The following EFHB variants were observed in gnomAD, a reference collection of about 807,000 sequenced individuals.
EFHB encodes the protein EF-hand domain family member B.
In EFHB, 91 loss-of-function variants were observed where a neutral mutation model predicts 87.2. That is an observed-to-expected ratio of 1.04 (90% CI 0.88 to 1.24). The LOEUF (loss-of-function observed/expected upper bound fraction) is 1.24. Among genes scored for constraint, EFHB ranks in the 50% most tolerant of loss-of-function variants. The pLI is 0.00. For synonymous variants in EFHB, 325 were observed against 333.6 expected, an observed-to-expected ratio of 0.97 and a Z score of 0.28; for missense variants, 1,084 against 998.8, an observed-to-expected ratio of 1.09 and a Z score of -1.15.
At chr3:19,929,464 G>A (rs545671830) in intron 1 of EFHB, among the ~76,000 whole-genome samples, 212 of 152,062 alleles carry the variant, frequency 1.4e-3, no homozygotes, top group Non-Finnish European at 2.3e-3. Context: ...CCTGCACTTT[G>A]GGAGGCTGAG....
intron 12 of EFHB, 92 bp from the exon 13 acceptor site, chr3:19,879,896 T>G: frequency 1.5e-6 from 2 of 1,324,608 alleles, no homozygotes; most frequent in Non-Finnish European, 2.0e-6. Context: ...TATGGATATT[T>G]TTCCAAAAAA....
rs1460646689 is a variant in EFHB at position 19,908,590 on chromosome 3, GAGAGAGAGAGAA to G, written c.1289-2853_1289-2842del. ...AGAGAGAGAGAGAGAGAGAGAGAGA[GAGAGAGAGAGAA>G]AGAAAGAAAGAAAGAAAGAAAGAAA... On this transcript the variant is annotated intron_variant, in intron 5 of 12. Coordinates refer to ENST00000295824, the MANE Select transcript of EFHB (RefSeq NM_144715.4). Among the ~76,000 whole-genome samples, 728 of 111,004 alleles carry G rather than the reference GAGAGAGAGAGAA, an allele frequency of 6.6e-3. 5 individuals carry two copies. The highest frequency in any genetic ancestry group is 7.0e-3 in the Non-Finnish European group (408 of 58,298). 72.8% of individuals were successfully genotyped at this position (111,004 alleles called of 152,430 possible). A position where few individuals can be genotyped will look rare whatever the true frequency, so the allele number is the denominator to read the frequency against.
intron 4 of EFHB, among the ~76,000 whole-genome samples, chr3:19,915,857 C>T (rs1695212471): frequency 6.6e-6 from 1 of 151,866 alleles, no homozygotes; most frequent in Admixed American, 6.6e-5. Context: ...CCTGTGGTCC[C>T]AGCTACTTTA....
intron 10 of EFHB, among the ~76,000 whole-genome samples, chr3:19,888,140 C>T (rs530858404): frequency 6.6e-6 from 1 of 151,952 alleles, no homozygotes; most frequent in Non-Finnish European, 1.5e-5. Context: ...AAATAAAAAC[C>T]ATGTATAAAT....
At chr3:19,917,155 G>C (rs1054515191) in intron 4 of EFHB, among the ~76,000 whole-genome samples, 1 of 151,588 alleles carries the variant, frequency 6.6e-6, no homozygotes, top group Non-Finnish European at 1.5e-5. Context: ...AGAATCATTT[G>C]AGTCCAGGAG....
At chr3:19,908,351 G>A (rs142973178) in intron 5 of EFHB, among the ~76,000 whole-genome samples, 3 of 151,918 alleles carry the variant, frequency 2.0e-5, no homozygotes, top group African/African-American at 7.3e-5. Flanking sequence ...TGACCAACAC[G>A]GTGAAACCCA....
At chr3:19,943,756 G>A (rs1031777554) in intron 1 of EFHB, among the ~76,000 whole-genome samples, 1 of 152,110 alleles carries the variant, frequency 6.6e-6, no homozygotes, top group Non-Finnish European at 1.5e-5. Context: ...ATAAGGGAGT[G>A]TCCAAGAACC....
intron 11 of EFHB, among the ~76,000 whole-genome samples, chr3:19,883,289 C>G (rs1290461038): frequency 6.6e-6 from 1 of 152,174 alleles, no homozygotes; most frequent in African/African-American, 2.4e-5. Context: ...GCATGAGCCA[C>G]CATGCCCAGC....
chr3:19,946,940 A>C (rs536159647), exon 1 of EFHB: 1 of 152,600 alleles, frequency 6.6e-6, no homozygotes, highest in African/African-American at 2.4e-5. Flanking sequence ...GAAGGGGAGA[A>C]AGGCGGCCAG....
Position 19,884,492 on chromosome 3 carries a change from G to A in EFHB, c.2057C>T (p.Thr686Ile), listed in dbSNP as rs888002669. The part of the protein sequence containing the change: ...EAGSTEKTLR[T>I]LLRPSDKVSN... ...AACTTTATCACTTGGTCTCAGAAGT[G>A]TCCGGAGAGTCTTTTCTGTGCTTCC... is the stretch of plus-strand genomic sequence containing the variant. Residue 686 changes from threonine to isoleucine, a missense_variant, in exon 11 of 13, where the codon ACA (threonine) becomes ATA (isoleucine). By Grantham distance (89) the Thr-to-Ile change is moderately conservative. Transcript: ENST00000295824. 2 of 1,613,958 alleles carry A rather than the reference G, an allele frequency of 1.2e-6. No homozygotes were observed. The highest frequency in any genetic ancestry group is 1.7e-6 in the Non-Finnish European group (2 of 1,179,868).
chr3:19,904,874 A>AT (rs1694787720), intron 6 of EFHB, among the ~76,000 whole-genome samples: 1 of 152,116 alleles, frequency 6.6e-6, no homozygotes, highest in South Asian at 2.1e-4. Context: ...CAATCTTCTG[A>AT]TTTTTTTAAG....
At chr3:19,942,972 T>G in intron 1 of EFHB, 1 of 243,304 alleles carries the variant, frequency 4.1e-6, no homozygotes, top group Non-Finnish European at 8.1e-6. Context: ...TGGACAGAAG[T>G]TTTTTTTATC....
intron 1 of EFHB, among the ~76,000 whole-genome samples, chr3:19,922,257 G>C (rs1298112764): frequency 6.6e-6 from 1 of 152,218 alleles, no homozygotes; most frequent in Admixed American, 6.5e-5. Flanking sequence ...GCTGAAGGCA[G>C]TTAAGAATCA....
intron 10 of EFHB, 88 bp downstream of exon 10, chr3:19,888,356 G>A: frequency 1.4e-6 from 1 of 723,210 alleles, no homozygotes; most frequent in Non-Finnish European, 1.8e-6. Flanking sequence ...GGGCAACATA[G>A]TGAGACCTCG....
intron 1 of EFHB, among the ~76,000 whole-genome samples, chr3:19,939,593 C>A (rs1696109058): frequency 6.6e-6 from 1 of 151,836 alleles, no homozygotes; most frequent in African/African-American, 2.4e-5. Context: ...ACCGTGTTAG[C>A]CAGGATGGTC....
chr3:19,908,570 G>A (rs9817197), intron 5 of EFHB, among the ~76,000 whole-genome samples: 2,408 of 65,866 alleles, frequency 0.037, 33 homozygotes, highest in Non-Finnish European at 0.047. Flanking sequence ...GAAAGAGAGA[G>A]AGAGAGAGAG....
intron 5 of EFHB, among the ~76,000 whole-genome samples, chr3:19,908,598 G>GAGAGAGAGAGAGAGAGAGAGAGAAAGAA (rs1694937855): frequency 1.3e-5 from 1 of 77,796 alleles, no homozygotes; most frequent in African/African-American, 5.0e-5. Flanking sequence ...GAGAGAGAGA[G>GAGAGAGAGAGAGAGAGAGAGAGAAAGAA]AGAAAGAAAG....
chr3:19,903,547 C>T (rs1269037608), intron 6 of EFHB, among the ~76,000 whole-genome samples: 1 of 151,928 alleles, frequency 6.6e-6, no homozygotes, highest in Non-Finnish European at 1.5e-5. Flanking sequence ...ATACTTTACA[C>T]ATAGTTTAAC....
intron 9 of EFHB, among the ~76,000 whole-genome samples, chr3:19,892,061 T>C (rs1474906034): frequency 2.6e-5 from 4 of 152,202 alleles, no homozygotes; most frequent in African/African-American, 9.6e-5. Flanking sequence ...TTGACACTTA[T>C]TCAAGTTATG....
Sources: gnomAD v4.1 joint callset for allele counts (sites outside exome capture counted in the v4.1 genomes callset) on GRCh38, gnomAD v4.1.1 for gene constraint, MANE v1.5 for transcripts, NCBI Gene and HGNC (gene_info 2026-07-23, HGNC 2026-07-21) for gene names.